Variants in RCL1 observed in about 807,000 individuals in gnomAD.
RCL1 encodes RNA terminal phosphate cyclase like 1.
A neutral mutation model predicts 42.4 loss-of-function variants in RCL1; 24 were observed. That is an observed-to-expected ratio of 0.57 (90% CI 0.41 to 0.80). The LOEUF is 0.80. Ranked by LOEUF, RCL1 falls within the 30% of genes least tolerant of loss-of-function variation. The probability of loss-of-function intolerance (pLI) is 0.00; values close to 1 mark genes in which losing one functional copy is unlikely to be tolerated. For synonymous variants in RCL1, 228 were observed against 177.3 expected, an observed-to-expected ratio of 1.29 and a Z score of -2.27; for missense variants, 578 against 467.9, an observed-to-expected ratio of 1.24 and a Z score of -2.17.
intron 5 of RCL1, among the ~76,000 whole-genome samples, chr9:4,835,836 A>G (rs1209535565): frequency 6.6e-6 from 1 of 152,216 alleles, no homozygotes; most frequent in East Asian, 1.9e-4. Flanking sequence ...TCGTAGTTGC[A>G]CAGTAGGAGG....
At chr9:4,793,427 C>G (rs901775314) in intron 1 of RCL1, among the ~76,000 whole-genome samples, 200 bp downstream of exon 1, 1 of 152,176 alleles carries the variant, frequency 6.6e-6, no homozygotes, top group Non-Finnish European at 1.5e-5. Flanking sequence ...GGGGAGCGCT[C>G]AGCTGCAAGC....
intron 5 of RCL1, chr9:4,836,849 G>T (rs1472296740): frequency 6.6e-6 from 1 of 152,258 alleles, no homozygotes; most frequent in Non-Finnish European, 1.5e-5. Flanking sequence ...TCAAACTTGG[G>T]TTGCTGCCTG....
At chr9:4,814,437 T>C (rs2093427314) in intron 1 of RCL1, among the ~76,000 whole-genome samples, 1 of 152,052 alleles carries the variant, frequency 6.6e-6, no homozygotes, top group Admixed American at 6.6e-5. Context: ...TGCCCGGCTT[T>C]TGTATTTTTT....
At chr9:4,831,143 C>T (rs1045828093) in intron 3 of RCL1, among the ~76,000 whole-genome samples, 1 of 152,166 alleles carries the variant, frequency 6.6e-6, no homozygotes, top group Non-Finnish European at 1.5e-5. Flanking sequence ...GCCCTTGTCC[C>T]ACCGCACCAA....
chr9:4,835,212 TGCAGAAC>T (rs1319866120), intron 5 of RCL1, among the ~76,000 whole-genome samples: 2 of 152,138 alleles, frequency 1.3e-5, no homozygotes, highest in Admixed American at 1.3e-4. Context: ...TCAGATACTA[TGCAGAAC>T]GCAAAGAAAG....
chr9:4,845,560 T>C (rs1388652932), intron 7 of RCL1, among the ~76,000 whole-genome samples: 1 of 152,236 alleles, frequency 6.6e-6, no homozygotes, highest in Non-Finnish European at 1.5e-5. Context: ...CTAAAAGATA[T>C]ATTCCCTGAG....
intron 8 of RCL1, among the ~76,000 whole-genome samples, chr9:4,859,467 T>C (rs1181001542): frequency 6.6e-6 from 1 of 152,128 alleles, no homozygotes; most frequent in African/African-American, 2.4e-5. Flanking sequence ...TTTTTTTTCA[T>C]TTGAGTGCAA....
At chr9:4,836,918 G>A (rs295267) in intron 5 of RCL1, among the ~76,000 whole-genome samples, 130,980 of 152,142 alleles carry the variant, frequency 0.86, 56,459 homozygotes, top group East Asian at 1. Flanking sequence ...GCCTTCCTGG[G>A]TTATGGTCTG....
rs1230161667 is a variant in RCL1, at chr9:4,849,458, A to T, written c.879A>T (p.Val293=). 1 of 1,613,546 alleles carries T rather than the reference A, an allele frequency of 6.2e-7. No homozygotes were observed. The highest frequency in any genetic ancestry group is 8.5e-7 in the Non-Finnish European group (1 of 1,179,732). Residue 293 remains valine (V), a synonymous_variant, in exon 8 of 9, where the codon GTA becomes GTT. Transcript: ENST00000381750. ...ATTTGTGTTTACAGGGTGGATGCGT[A>T]GACTCGACCAACCAAAGCCTGGCGC... ...LLEEIYRGGC[V]DSTNQSLALL...
rs569343263 is a variant in RCL1, at chr9:4,858,894, C to G, written c.972-1231C>G. ...TATTCCCTAACCTTGCCCAATGAGA[C>G]TTGCCAGGGATTCTTGTTAACAACA... On this transcript the variant is annotated intron_variant, in intron 8 of 8. Transcript: ENST00000381750. Among the ~76,000 whole-genome samples, 230 of 152,278 alleles carry G rather than the reference C, an allele frequency of 1.5e-3. 1 individual carries two copies. The highest frequency in any genetic ancestry group is 0.014 in the Middle Eastern group (4 of 294).
intron 1 of RCL1, among the ~76,000 whole-genome samples, chr9:4,818,784 A>G (rs1816484609): frequency 6.6e-6 from 1 of 151,648 alleles, no homozygotes; most frequent in South Asian, 2.1e-4. Flanking sequence ...AGGCAGGAGA[A>G]TTGGTTGAAC....
At chr9:4,822,654 C>T (rs1291106333) in intron 1 of RCL1, among the ~76,000 whole-genome samples, 1 of 151,240 alleles carries the variant, frequency 6.6e-6, no homozygotes. Flanking sequence ...CCTATCTCTA[C>T]AAAAATAAAA....
At chr9:4,794,590 C>G (rs1411011721) in intron 1 of RCL1, among the ~76,000 whole-genome samples, 1 of 151,860 alleles carries the variant, frequency 6.6e-6, no homozygotes, top group East Asian at 1.9e-4. Flanking sequence ...TTGCCACTAG[C>G]TGGATATGGT....
In RCL1 at chr9:4,797,788, C is replaced by T. The variant is rs192342054; in HGVS notation, c.136+4561C>T. ...AGAAACAAATGAGACACAGATCAAACTCTGTGACTTCAGGCAAATCATTGA... is the reference window on the plus strand; with the variant it reads ...AGAAACAAATGAGACACAGATCAAATTCTGTGACTTCAGGCAAATCATTGA... On this transcript the variant is annotated intron_variant, in intron 1 of 8. Transcript: ENST00000381750. Among the ~76,000 whole-genome samples the T allele has an allele frequency of 4.6e-5, 7 of 152,270 alleles. No homozygotes were observed. In the East Asian group the frequency reaches 9.6e-4, roughly 21 times the overall value.
chr9:4,858,937 T>C (rs1448001998), intron 8 of RCL1, among the ~76,000 whole-genome samples: 1 of 152,240 alleles, frequency 6.6e-6, no homozygotes. Context: ...CTGGCCTCTA[T>C]GAACTGGGGA....
At chr9:4,848,592 C>T (rs1296722929) in intron 7 of RCL1, among the ~76,000 whole-genome samples, 1 of 152,186 alleles carries the variant, frequency 6.6e-6, no homozygotes, top group Non-Finnish European at 1.5e-5. Context: ...CAAGGTCATC[C>T]TTCTTTGACT....
chr9:4,821,655 T>TC (rs1341844847), intron 1 of RCL1, among the ~76,000 whole-genome samples: 2 of 150,740 alleles, frequency 1.3e-5, no homozygotes, highest in East Asian at 1.9e-4. Flanking sequence ...TTTTTTTTTT[T>TC]CCCCCCAGAG....
At chr9:4,798,472 C>A (rs772073537) in intron 1 of RCL1, among the ~76,000 whole-genome samples, 3 of 152,150 alleles carry the variant, frequency 2.0e-5, no homozygotes, top group Non-Finnish European at 4.4e-5. Flanking sequence ...TTACTTGGTC[C>A]CATGGGGGAG....
At chr9:4,831,194 C>A (rs1479549968) in intron 3 of RCL1, among the ~76,000 whole-genome samples, 1 of 152,176 alleles carries the variant, frequency 6.6e-6, no homozygotes, top group Non-Finnish European at 1.5e-5. Flanking sequence ...GATAAAGGGA[C>A]AGGACTACAC....
Sources: gnomAD v4.1 joint callset for allele counts (sites outside exome capture counted in the v4.1 genomes callset) on GRCh38, gnomAD v4.1.1 for gene constraint, MANE v1.5 for transcripts, NCBI Gene and HGNC (gene_info 2026-07-23, HGNC 2026-07-21) for gene names.